The following IQGAP1 variants were observed in gnomAD, a reference collection of about 807,000 sequenced individuals.
IQGAP1 encodes IQ motif containing GTPase activating protein 1.
Under a neutral mutation model 215.6 loss-of-function variants are expected in IQGAP1, and 66 were observed. The observed-to-expected ratio is 0.31, with a 90% CI of 0.25 to 0.38. IQGAP1 has a LOEUF of 0.38. IQGAP1 is among the 10% of genes least tolerant of loss of function. The pLI is 1.00. For synonymous variants in IQGAP1, 772 were observed against 728.7 expected (o/e 1.06, Z -0.96); for missense variants, 1,712 against 1,997.1 (o/e 0.86, Z 2.72).
chr15:90,418,214 C>T (rs1965080809), intron 2 of IQGAP1, among the ~76,000 whole-genome samples: 1 of 143,720 alleles, frequency 7.0e-6, no homozygotes, highest in African/African-American at 2.6e-5. Context: ...GAATAGACAC[C>T]TTTTTTTTTT....
In IQGAP1 at chr15:90,440,612, G is replaced by A. The variant is rs772573837; in HGVS notation, c.646G>A (p.Ala216Thr). The change falls in exon 7 of 38, where the codon GCA becomes ACA. Residue 216 changes from alanine (A) to threonine (T), a missense_variant. Ala to Thr is a moderately conservative substitution (Grantham distance 58). Coordinates refer to ENST00000268182, the MANE Select transcript of IQGAP1 (RefSeq NM_003870.4). ...LANELSVDEAALHAAVIAINE... is the reference protein window; with the variant it reads ...LANELSVDEATLHAAVIAINE... ...TAATGAACTGTCAGTGGATGAAGCCGCATGTAAGAAGAGAGAAATTTTGTG... is the reference window on the plus strand; with the variant it reads ...TAATGAACTGTCAGTGGATGAAGCCACATGTAAGAAGAGAGAAATTTTGTG... 2.8e-4 allele frequency: 428 copies of A among 1,554,486 alleles called. 1 individual carries two copies. Among genetic ancestry groups the A allele is most frequent in the Non-Finnish European group, 3.6e-4 (410 of 1,146,838 alleles).
At chr15:90,440,463 G>C in intron 6 of IQGAP1, 39 bp from the exon 7 acceptor site, 1 of 1,384,142 alleles carries the variant, frequency 7.2e-7, no homozygotes, top group South Asian at 1.2e-5. Flanking sequence ...ATGGAAGGGT[G>C]CTTAGCTTGA....
Position 90,486,097 on chromosome 15 carries a change from A to G in IQGAP1, c.3989A>G (p.Asp1330Gly). ...GATCCAATCCACGAACTGCTGGACG[A>G]CCTCGGCGAGGTGCCCACCATCGAG... Reference protein sequence around the residue: ...HNDPIHELLDDLGEVPTIESL... With the variant: ...HNDPIHELLDGLGEVPTIESL... Residue 1330 changes from aspartate (D) to glycine (G), a missense_variant, in exon 31 of 38, where the codon GAC (aspartate) becomes GGC (glycine). Physicochemically the swap from Asp to Gly is moderately conservative, Grantham distance 94 (BLOSUM62 -1). Coordinates refer to ENST00000268182, the MANE Select transcript of IQGAP1 (RefSeq NM_003870.4). 6.2e-7 allele frequency: 1 copy of G among 1,613,872 alleles called. No individual in the cohort carries two copies. Among genetic ancestry groups the G allele is most frequent in the Non-Finnish European group, 8.5e-7 (1 of 1,179,952 alleles).
intron 2 of IQGAP1, among the ~76,000 whole-genome samples, chr15:90,419,918 G>A (rs1265760950): frequency 1.3e-5 from 2 of 152,210 alleles, no homozygotes; most frequent in Non-Finnish European, 2.9e-5. Context: ...AGGGGGCAGA[G>A]ATGATGTCTA....
chr15:90,396,783 G>A (rs1408152865), intron 2 of IQGAP1, among the ~76,000 whole-genome samples: 3 of 152,048 alleles, frequency 2.0e-5, no homozygotes, highest in Admixed American at 2.0e-4. Flanking sequence ...TTGCAAATGG[G>A]GAGTATTCAT....
chr15:90,467,361 T>G, intron 17 of IQGAP1, 89 bp from the exon 18 acceptor site: 486 of 1,328,648 alleles, frequency 3.7e-4, no homozygotes, highest in Non-Finnish European at 4.5e-4. Context: ...ATTTAGACTG[T>G]GAGACTAACT....
intron 5 of IQGAP1, among the ~76,000 whole-genome samples, chr15:90,435,076 A>G (rs979440366): frequency 2.0e-5 from 3 of 152,220 alleles, no homozygotes; most frequent in Non-Finnish European, 4.4e-5. Flanking sequence ...TTGAGCAAAC[A>G]TGTACTAGAT....
chr15:90,449,958 G>T (rs1965578436), intron 11 of IQGAP1, among the ~76,000 whole-genome samples: 1 of 152,204 alleles, frequency 6.6e-6, no homozygotes, highest in Non-Finnish European at 1.5e-5. Flanking sequence ...TCAAATCAGG[G>T]TAATTGGAAT....
intron 15 of IQGAP1, among the ~76,000 whole-genome samples, chr15:90,465,264 A>G (rs538588912): frequency 1.3e-5 from 2 of 152,224 alleles, no homozygotes; most frequent in Admixed American, 6.5e-5. Context: ...CAGTCTTAAA[A>G]ACATTAGTAG....
intron 35 of IQGAP1, among the ~76,000 whole-genome samples, chr15:90,493,098 C>T (rs936581772): frequency 4.6e-5 from 7 of 152,096 alleles, no homozygotes; most frequent in African/African-American, 1.4e-4. Context: ...TACAAATTAG[C>T]TGGGTGTGGT....
intron 29 of IQGAP1, 28 bp downstream of exon 29, chr15:90,483,621 A>G (rs769099405): frequency 2.7e-6 from 4 of 1,472,812 alleles, no homozygotes; most frequent in Non-Finnish European, 3.8e-6. Flanking sequence ...AGTGCTTAAG[A>G]GAGTCTGTGG....
Position 90,494,799 on chromosome 15 carries a change from G to A in IQGAP1, c.4715G>A (p.Gly1572Glu). Reference sequence around the variant, plus strand: ...ACAGCAGCAAGACTACATGAAAAAGGAGTTCTTCTGGAAATTGAGGACCTG... The same window carrying A: ...ACAGCAGCAAGACTACATGAAAAAGAAGTTCTTCTGGAAATTGAGGACCTG... ...KYTAARLHEK[G>E]VLLEIEDLQV... Residue 1572 changes from glycine to glutamate, a missense_variant, in exon 36 of 38, where the codon GGA becomes GAA. Physicochemically the swap from Gly to Glu is moderately conservative, Grantham distance 98. Coordinates refer to ENST00000268182, the MANE Select transcript of IQGAP1 (RefSeq NM_003870.4). 6.2e-7 allele frequency: 1 copy of A among 1,607,728 alleles called. No individual in the cohort carries two copies. Among genetic ancestry groups the A allele is most frequent in the Non-Finnish European group, 8.5e-7 (1 of 1,176,484 alleles).
chr15:90,440,068 A>C (rs1965426868), intron 6 of IQGAP1, among the ~76,000 whole-genome samples: 1 of 152,218 alleles, frequency 6.6e-6, no homozygotes, highest in Non-Finnish European at 1.5e-5. Context: ...AAAGGACCAG[A>C]CCTTACATGT....
At chr15:90,497,207 C>G in intron 36 of IQGAP1, 25 bp from the exon 37 acceptor site, 1 of 1,171,774 alleles carries the variant, frequency 8.5e-7, no homozygotes, top group Non-Finnish European at 1.3e-6. Context: ...AAAAACCATA[C>G]CCTTACGATG....
At chr15:90,434,197 G>A (rs1226301652) in intron 5 of IQGAP1, among the ~76,000 whole-genome samples, 3 of 152,106 alleles carry the variant, frequency 2.0e-5, no homozygotes, top group African/African-American at 7.2e-5. Flanking sequence ...AGCATTTTGG[G>A]AGGCCAAGGC....
intron 26 of IQGAP1, among the ~76,000 whole-genome samples, chr15:90,481,255 AG>A (rs2151035152): frequency 6.9e-6 from 1 of 144,246 alleles, no homozygotes; most frequent in Admixed American, 7.0e-5. Flanking sequence ...TGTGTACCAA[AG>A]CTCTCTCTGC....
intron 18 of IQGAP1, among the ~76,000 whole-genome samples, chr15:90,470,092 A>C (rs1427381312): frequency 6.6e-6 from 1 of 152,194 alleles, no homozygotes; most frequent in Non-Finnish European, 1.5e-5. Context: ...TATGGACCTA[A>C]GAATTTAAAC....
intron 2 of IQGAP1, among the ~76,000 whole-genome samples, chr15:90,418,421 T>C (rs890498445): frequency 9.9e-5 from 15 of 151,598 alleles, no homozygotes. Context: ...TTGCTGTCTC[T>C]ACAAATAATT....
At chr15:90,446,943 G>A (rs2151021581) in intron 9 of IQGAP1, among the ~76,000 whole-genome samples, 1 of 152,152 alleles carries the variant, frequency 6.6e-6, no homozygotes, top group South Asian at 2.1e-4. Flanking sequence ...TAAGTAGTAT[G>A]TGTACACTTC....
Sources: gnomAD v4.1 joint callset for allele counts (sites outside exome capture counted in the v4.1 genomes callset) on GRCh38, gnomAD v4.1.1 for gene constraint, MANE v1.5 for transcripts, NCBI Gene and HGNC (gene_info 2026-07-23, HGNC 2026-07-21) for gene names.